Variants in TMEM168 observed in about 807,000 individuals in gnomAD.
The protein encoded by TMEM168 is transmembrane protein 168.
In TMEM168, 40 loss-of-function variants were observed where a neutral mutation model predicts 53.2. The observed-to-expected ratio is 0.75, with a 90% CI of 0.58 to 0.98. The LOEUF is 0.98. Among genes scored for constraint, TMEM168 ranks in the 50% least tolerant of loss-of-function variants. The pLI is 0.00. For missense variants in TMEM168, 771 were observed against 828.8 expected, an observed-to-expected ratio of 0.93 and a Z score of 0.86; for synonymous variants, 282 against 293.0, an observed-to-expected ratio of 0.96 and a Z score of 0.38.
Position 112,784,747 on chromosome 7 carries a change from C to T in TMEM168, c.79G>A (p.Val27Met). The T allele has an allele frequency of 6.2e-7, 1 of 1,612,188 alleles. No homozygotes were observed. Among genetic ancestry groups the T allele is most frequent in the South Asian group, 1.1e-5 (1 of 90,370 alleles). Residue 27 changes from valine to methionine, a missense_variant, in exon 2 of 5, where the codon GTG (valine) becomes ATG (methionine). Physicochemically the swap from Val to Met is conservative, Grantham distance 21. Coordinates refer to ENST00000312814, the MANE Select transcript of TMEM168 (RefSeq NM_022484.6). ...TACCGCACTGAAGAATGCATGTTCA[C>T]TTCTCTATTTACTTCTTCCAGTCTT... Reference protein sequence around the residue: ...MTRLEEVNREVNMHSSVRYLG... With the variant: ...MTRLEEVNREMNMHSSVRYLG...
intron 2 of TMEM168, among the ~76,000 whole-genome samples, chr7:112,783,321 G>C (rs1793280226): frequency 6.6e-6 from 1 of 152,228 alleles, no homozygotes; most frequent in South Asian, 2.1e-4. Context: ...GCTAGTACTA[G>C]TGACTCTGGA....
Position 112,767,708 on chromosome 7 carries a change from C to G in TMEM168, c.1583G>C (p.Trp528Ser), listed in dbSNP as rs1163468271. The part of the protein sequence containing the change: ...DTLRLDTLIE[W>S]WREKNGSFCS... ...AAAGGAACCATTCTTTTCTCTCCAC[C>G]ATTCTATAAGTGTGTCAAGGCGTAG... Residue 528 changes from tryptophan to serine, a missense_variant, in exon 5 of 5, where the codon TGG (tryptophan) becomes TCG (serine). Physicochemically the swap from Trp to Ser is radical, Grantham distance 177. Coordinates refer to ENST00000312814, the MANE Select transcript of TMEM168 (RefSeq NM_022484.6). 1 of 1,613,414 alleles carries G rather than the reference C, an allele frequency of 6.2e-7. No homozygotes were observed. Among genetic ancestry groups the G allele is most frequent in the Non-Finnish European group, 8.5e-7 (1 of 1,179,880 alleles).
rs1249626486 is a variant in TMEM168, at chr7:112,766,837, A to C, written c.*360T>G. 1 of 176,948 alleles carries C rather than the reference A, an allele frequency of 5.7e-6. No individual in the cohort carries two copies. Among genetic ancestry groups the C allele is most frequent in the Non-Finnish European group, 1.2e-5 (1 of 84,128 alleles). 11.0% of individuals were successfully genotyped at this position (176,948 alleles called of 1,614,324 possible). ...CAAATTTATCTGGTCTACATTCTCT[A>C]AACTATTATTATATGCCTAGAAAAT... is the stretch of plus-strand genomic sequence containing the variant. On this transcript the variant is annotated 3_prime_UTR_variant, in exon 5 of 5. Transcript: ENST00000312814.
At position 112,787,713 on chromosome 7, in the gene TMEM168, A is replaced by ATTTTTTTT. The variant is rs71155069; in HGVS notation, c.-129+2439_-129+2446dup. On this transcript the variant is annotated intron_variant, in intron 1 of 4. Transcript: ENST00000312814. Reference sequence around the variant, plus strand: ...ACAGGCGTGAGCCACTGCGACTGGCATTTTTTTTTTTTTTTTTTTTTTTTT... The same window carrying ATTTTTTTT: ...ACAGGCGTGAGCCACTGCGACTGGCATTTTTTTTTTTTTTTTTTTTTTTTTTTTTTTTT... 6.4e-4 allele frequency among the ~76,000 whole-genome samples: 25 copies of ATTTTTTTT among 38,784 alleles called. 2 individuals carry two copies. Among genetic ancestry groups the ATTTTTTTT allele is most frequent in the African/African-American group, 2.4e-3 (22 of 9,354 alleles). The allele number at this position is 38,784 out of a possible 152,430, so 25.4% of individuals were successfully genotyped here.
chr7:112,782,313 C>G (rs1465074371), intron 2 of TMEM168, among the ~76,000 whole-genome samples: 1 of 152,076 alleles, frequency 6.6e-6, no homozygotes, highest in Non-Finnish European at 1.5e-5. Context: ...GTGGTACACA[C>G]CATATCTGAA....
chr7:112,775,771 A>G (rs1793066054), intron 2 of TMEM168, among the ~76,000 whole-genome samples: 1 of 152,158 alleles, frequency 6.6e-6, no homozygotes, highest in Non-Finnish European at 1.5e-5. Context: ...TCCCCATGAA[A>G]TTATGAAAGT....
chr7:112,767,163 G>C lies in TMEM168; in HGVS notation c.*34C>G. The C allele has an allele frequency of 6.4e-7, 1 of 1,568,550 alleles. No homozygotes were observed. Among genetic ancestry groups the C allele is most frequent in the Non-Finnish European group, 8.6e-7 (1 of 1,158,954 alleles). On this transcript the variant is annotated 3_prime_UTR_variant, in exon 5 of 5. Coordinates refer to ENST00000312814, the MANE Select transcript of TMEM168 (RefSeq NM_022484.6). Reference sequence around the variant, plus strand: ...GCAAGTTAGTGATAATTGGTAGTATGAGTGCTTATTAATATCCCGCTTTGG... The same window carrying C: ...GCAAGTTAGTGATAATTGGTAGTATCAGTGCTTATTAATATCCCGCTTTGG...
chr7:112,768,733 C>T (rs760817961), intron 4 of TMEM168, among the ~76,000 whole-genome samples: 41 of 152,044 alleles, frequency 2.7e-4, no homozygotes, highest in Non-Finnish European at 5.6e-4. Context: ...CTGGCCCTGT[C>T]TCAATGGTAC....
rs1284123299 is a variant in TMEM168, at chr7:112,775,926, GTA to G, written c.1129-610_1129-609del. Among the ~76,000 whole-genome samples the G allele has an allele frequency of 2.0e-5, 3 of 151,916 alleles. No individual in the cohort carries two copies. The South Asian group carries it at 6.2e-4, about 32-fold the overall frequency. On this transcript the variant is annotated intron_variant, in intron 2 of 4. Transcript: ENST00000312814. ...AAAATATTGAGGACACGTAAGCATT[GTA>G]AAAGCAGAATGGAAAGTAGACAGGC...
intron 4 of TMEM168, among the ~76,000 whole-genome samples, chr7:112,772,119 TAAG>T (rs965690377): frequency 1.3e-5 from 2 of 152,158 alleles, no homozygotes; most frequent in African/African-American, 4.8e-5. Context: ...TGGCAATAAC[TAAG>T]AAGTTTTCTA....
intron 2 of TMEM168, among the ~76,000 whole-genome samples, chr7:112,781,379 TCA>T (rs1313155262): frequency 3.3e-5 from 5 of 151,996 alleles, no homozygotes; most frequent in Middle Eastern, 3.2e-3. Flanking sequence ...AAGACTAAAA[TCA>T]CACAGTGTTC....
At position 112,784,881 on chromosome 7, in the gene TMEM168, CATCCA is replaced by C. The variant is rs1793339206; in HGVS notation, c.-61_-57del. ...TTACAAAAATTAACCGCTTGTATTT[CATCCA>C]GTATATCCAATGTATCCGCAACTCC... is the stretch of plus-strand genomic sequence containing the variant. On this transcript the variant is annotated 5_prime_UTR_variant, in exon 2 of 5. The change abolishes an upstream ATG in the 5' untranslated region. Coordinates refer to ENST00000312814, the MANE Select transcript of TMEM168 (RefSeq NM_022484.6). 1 of 1,473,056 alleles carries C rather than the reference CATCCA, an allele frequency of 6.8e-7. No homozygotes were observed. Among genetic ancestry groups the C allele is most frequent in the Admixed American group, 2.4e-5 (1 of 41,980 alleles). 91.2% of individuals were successfully genotyped at this position (1,473,056 alleles called of 1,614,324 possible).
At chr7:112,768,910 A>G (rs1027523850) in intron 4 of TMEM168, among the ~76,000 whole-genome samples, 1 of 152,364 alleles carries the variant, frequency 6.6e-6, no homozygotes, top group African/African-American at 2.4e-5. Context: ...AAGAAAATTT[A>G]TTGATGAGAA....
At chr7:112,773,313 T>C (rs186567845) in intron 3 of TMEM168, among the ~76,000 whole-genome samples, 175 of 152,280 alleles carry the variant, frequency 1.1e-3, no homozygotes, top group Non-Finnish European at 1.1e-3. Context: ...CAAATGTAGA[T>C]AGTATTACTC....
Position 112,772,428 on chromosome 7 carries a change from G to A in TMEM168, c.1546+353C>T, listed in dbSNP as rs566465910. Among the ~76,000 whole-genome samples, 3 of 152,288 alleles carry A rather than the reference G, an allele frequency of 2.0e-5. No individual in the cohort carries two copies. The East Asian group carries it at 5.8e-4, about 29-fold the overall frequency. On this transcript the variant is annotated intron_variant, in intron 4 of 4. Coordinates refer to ENST00000312814, the MANE Select transcript of TMEM168 (RefSeq NM_022484.6). Reference sequence around the variant, plus strand: ...ATAACATAAATAAAACTACAGATGTGAAGGACTACTGAAATCTGCATCCAT... The same window carrying A: ...ATAACATAAATAAAACTACAGATGTAAAGGACTACTGAAATCTGCATCCAT...
intron 1 of TMEM168, chr7:112,788,372 C>G (rs1793449712): frequency 6.6e-6 from 1 of 152,060 alleles, no homozygotes; most frequent in Admixed American, 6.5e-5. Context: ...AGGTAAATAC[C>G]TGGAAACAAA....
At chr7:112,785,952 A>T (rs1793368754) in intron 1 of TMEM168, among the ~76,000 whole-genome samples, 1 of 152,236 alleles carries the variant, frequency 6.6e-6, no homozygotes, top group African/African-American at 2.4e-5. Context: ...TCTCTCCTGC[A>T]ATCCCAGAAC....
chr7:112,783,191 C>T (rs964174827), intron 2 of TMEM168, among the ~76,000 whole-genome samples: 4 of 152,186 alleles, frequency 2.6e-5, no homozygotes, highest in Admixed American at 2.6e-4. Context: ...TAAGAACCTG[C>T]TATGTTGTTA....
At chr7:112,775,065 CAA>C in intron 3 of TMEM168, 109 bp downstream of exon 3, 4 of 897,650 alleles carry the variant, frequency 4.5e-6, no homozygotes, top group Non-Finnish European at 6.0e-6. Context: ...AAGAAATGCA[CAA>C]GTTATATTTT....
Sources: allele counts gnomAD v4.1 joint callset (sites outside exome capture counted in the v4.1 genomes callset), GRCh38; gene constraint gnomAD v4.1.1; transcripts MANE v1.5; gene names NCBI Gene and HGNC (gene_info 2026-07-23, HGNC 2026-07-21).